The following FBXW11 variants were observed in gnomAD, a reference collection of about 807,000 sequenced individuals.
FBXW11 encodes the protein F-box and WD repeat domain containing 11, also known as F-box/WD repeat-containing protein 11.
In FBXW11, 19 loss-of-function variants were observed where a neutral mutation model predicts 77.6. The observed-to-expected ratio is 0.24, with a 90% CI of 0.17 to 0.36. The LOEUF (loss-of-function observed/expected upper bound fraction) is 0.36, where lower values mean the gene tolerates loss of function less well. Among genes scored for constraint, FBXW11 ranks in the 10% least tolerant of loss-of-function variants. The pLI, the probability that FBXW11 is intolerant of heterozygous loss-of-function variation, is 1.00. For missense variants in FBXW11, 334 were observed against 704.2 expected (o/e 0.47, Z 5.95); for synonymous variants, 235 against 249.4 (o/e 0.94, Z 0.54).
intron 7 of FBXW11, among the ~76,000 whole-genome samples, chr5:171,884,402 C>A (rs1320851044): frequency 2.0e-5 from 3 of 151,968 alleles, no homozygotes; most frequent in Non-Finnish European, 4.4e-5. Flanking sequence ...GGTCTATATC[C>A]CTATTTTTGT....
chr5:171,875,718 C>G (rs1160912712), intron 9 of FBXW11, among the ~76,000 whole-genome samples: 2 of 152,164 alleles, frequency 1.3e-5, no homozygotes, highest in East Asian at 1.9e-4. Flanking sequence ...CCCTAGACTT[C>G]AACTCCTTGT....
At chr5:171,979,363 G>C (rs1000714242) in intron 1 of FBXW11, among the ~76,000 whole-genome samples, 1 of 152,016 alleles carries the variant, frequency 6.6e-6, no homozygotes, top group Non-Finnish European at 1.5e-5. Context: ...ATATGTACAT[G>C]TATATGTATA....
chr5:171,918,854 C>T (rs2113974485), intron 2 of FBXW11, among the ~76,000 whole-genome samples: 1 of 152,282 alleles, frequency 6.6e-6, no homozygotes, highest in Non-Finnish European at 1.5e-5. Flanking sequence ...TCAAAAATGT[C>T]TCCAGATCGC....
chr5:171,926,207 T>C (rs1394833244), intron 2 of FBXW11, among the ~76,000 whole-genome samples: 2 of 152,224 alleles, frequency 1.3e-5, no homozygotes, highest in African/African-American at 4.8e-5. Context: ...ATATATATGC[T>C]GTGGTCTAGG....
In FBXW11 at chr5:171,925,523, C is replaced by G. The variant is rs369477708; in HGVS notation, c.148-11118G>C. 2.0e-5 allele frequency among the ~76,000 whole-genome samples: 3 copies of G among 152,230 alleles called. No homozygotes were observed. In the South Asian group the frequency reaches 6.2e-4, roughly 31 times the overall value. Reference sequence around the variant, plus strand: ...TGAGACAAAGTCTTGTCCTGTCACTCAGGCTATAGTGCAGTGGCATGATCA... The same window carrying G: ...TGAGACAAAGTCTTGTCCTGTCACTGAGGCTATAGTGCAGTGGCATGATCA... On this transcript the variant is annotated intron_variant, in intron 2 of 13. Transcript: ENST00000517395.
intron 1 of FBXW11, among the ~76,000 whole-genome samples, chr5:171,970,602 C>T (rs527446178): frequency 6.6e-6 from 1 of 152,066 alleles, no homozygotes; most frequent in African/African-American, 2.4e-5. Flanking sequence ...ACTTAACAGG[C>T]CCCTACACCA....
intron 3 of FBXW11, among the ~76,000 whole-genome samples, chr5:171,914,038 G>C (rs1467165041): frequency 6.6e-6 from 1 of 152,198 alleles, no homozygotes; most frequent in Non-Finnish European, 1.5e-5. Flanking sequence ...TGTGTGGCAT[G>C]GTGCCATTCT....
intron 1 of FBXW11, among the ~76,000 whole-genome samples, chr5:171,991,157 T>C (rs1037734650): frequency 1.3e-5 from 2 of 152,130 alleles, no homozygotes; most frequent in African/African-American, 2.4e-5. Flanking sequence ...ATCACAGATA[T>C]AGTAATTCAT....
intron 1 of FBXW11, among the ~76,000 whole-genome samples, chr5:171,959,677 G>A (rs925124799): frequency 6.6e-6 from 1 of 151,200 alleles, no homozygotes; most frequent in Non-Finnish European, 1.5e-5. Flanking sequence ...GTGAAACCCC[G>A]TCTCTACTAA....
chr5:171,988,479 A>G (rs1765561812), intron 1 of FBXW11, among the ~76,000 whole-genome samples: 1 of 152,204 alleles, frequency 6.6e-6, no homozygotes, highest in Non-Finnish European at 1.5e-5. Flanking sequence ...CTGAATAAAT[A>G]AAAGTCCAGG....
chr5:171,971,881 G>A (rs886095660), intron 1 of FBXW11, among the ~76,000 whole-genome samples: 4 of 152,146 alleles, frequency 2.6e-5, no homozygotes, highest in Admixed American at 2.6e-4. Flanking sequence ...CTACTCAGAA[G>A]GCTGAGGTGG....
At chr5:172,003,286 G>T (rs1232495226) in intron 1 of FBXW11, 1 of 152,268 alleles carries the variant, frequency 6.6e-6, no homozygotes, top group South Asian at 2.1e-4. Context: ...AGAAGCTCTT[G>T]TGAGTGCTTT....
At position 171,957,601 on chromosome 5, in the gene FBXW11, A is replaced by G. The variant is rs1763681562; in HGVS notation, c.143T>C (p.Leu48Pro). The G allele has an allele frequency of 6.2e-7, 1 of 1,613,766 alleles. No homozygotes were observed. The highest frequency in any genetic ancestry group is 8.5e-7 in the Non-Finnish European group (1 of 1,179,610). ...CLQSMPSVRC[L>P]QNTSVMEDQN... is the part of the protein sequence containing the mutation. ...AACAAGAAAGAAGAGAGGCACCTGG[A>G]GACATCTGACACTGGGCATGCTCTG... The change falls in exon 2 of 14, where the codon CTC becomes CCC. Residue 48 changes from leucine to proline, a missense_variant. This residue lies in a region of FBXW11 where 80 missense variants were observed against 105.1 expected (regional missense o/e 0.76). Transcript: ENST00000517395.
chr5:171,879,056 C>T (rs1040149635), intron 7 of FBXW11, among the ~76,000 whole-genome samples: 10 of 152,104 alleles, frequency 6.6e-5, no homozygotes, highest in Non-Finnish European at 1.2e-4. Context: ...GACACAATGA[C>T]TATGTATATT....
intron 1 of FBXW11, chr5:171,977,530 C>G (rs927401771): frequency 1.6e-5 from 7 of 428,222 alleles, no homozygotes; most frequent in Non-Finnish European, 2.8e-5. Context: ...GATTGTCTAG[C>G]AGGGGATTAC....
At chr5:171,993,707 G>T (rs1408528613) in intron 1 of FBXW11, among the ~76,000 whole-genome samples, 1 of 152,166 alleles carries the variant, frequency 6.6e-6, no homozygotes, top group East Asian at 1.9e-4. Flanking sequence ...CATCAGTCTT[G>T]TAAAGTTGGT....
intron 7 of FBXW11, among the ~76,000 whole-genome samples, chr5:171,878,584 GTGTGTGTA>G (rs1466088950): frequency 6.0e-4 from 43 of 71,370 alleles, no homozygotes; most frequent in South Asian, 2.3e-3. Context: ...GTGTGTGTGT[GTGTGTGTA>G]AGAGAGAGAG....
intron 1 of FBXW11, among the ~76,000 whole-genome samples, chr5:171,995,558 C>A (rs1173372611): frequency 1.3e-5 from 2 of 152,008 alleles, no homozygotes; most frequent in Non-Finnish European, 2.9e-5. Context: ...TCGAGACCAT[C>A]CTGGCTAACA....
rs368565335 is a variant in FBXW11 at position 171,955,102 on chromosome 5, G to T, written c.147+2495C>A. On this transcript the variant is annotated intron_variant, in intron 2 of 13. Transcript: ENST00000517395. ...GAAGCACCATGTAACAGTTGGTAATGAGTGATTTTTAAGTCTCTGATACCT... is the reference window on the plus strand; with the variant it reads ...GAAGCACCATGTAACAGTTGGTAATTAGTGATTTTTAAGTCTCTGATACCT... 1.1e-4 allele frequency among the ~76,000 whole-genome samples: 17 copies of T among 152,348 alleles called. No individual in the cohort carries two copies. In the East Asian group the frequency reaches 2.5e-3, roughly 22 times the overall value.
Sources: gnomAD v4.1 joint callset for allele counts (sites outside exome capture counted in the v4.1 genomes callset) on GRCh38, gnomAD v4.1.1 for gene constraint, gnomAD v4.1.1 regional missense constraint, MANE v1.5 for transcripts, NCBI Gene and HGNC (gene_info 2026-07-23, HGNC 2026-07-21) for gene names.